Variants in PRKD2 observed in about 807,000 individuals in gnomAD.
The protein encoded by PRKD2 is serine/threonine-protein kinase D2.
A neutral mutation model predicts 86.0 loss-of-function variants in PRKD2; 22 were observed. The ratio of observed to expected loss-of-function variants is 0.26; its 90% CI spans 0.18 to 0.37. The LOEUF is 0.37. Ranked by LOEUF, PRKD2 falls within the 10% of genes least tolerant of loss-of-function variation. The pLI, the probability that PRKD2 is intolerant of heterozygous loss-of-function variation, is 1.00. For synonymous variants in PRKD2, 509 were observed against 510.9 expected (o/e 1.00, Z 0.05); for missense variants, 818 against 1,199.2 (o/e 0.68, Z 4.70).
In PRKD2 at chr19:46,674,739, G is replaced by A; in HGVS notation, c.2425-4C>T. On this transcript the variant is annotated splice_region_variant and splice_polypyrimidine_tract_variant and intron_variant, in intron 17 of 17. Coordinates refer to ENST00000291281, the MANE Select transcript of PRKD2 (RefSeq NM_016457.5). ...GGTCCAGCCACGTCTGGTACTCCTG[G>A]GCCCGAGAGAACTGGGGTTAGCTTG... 6.2e-7 allele frequency: 1 copy of A among 1,603,058 alleles called. No homozygotes were observed. The highest frequency in any genetic ancestry group is 8.5e-7 in the Non-Finnish European group (1 of 1,179,296).
intron 5 of PRKD2, 113 bp downstream of exon 5, chr19:46,704,056 C>T: frequency 8.8e-6 from 13 of 1,479,610 alleles, no homozygotes; most frequent in Non-Finnish European, 1.2e-5. Context: ...GGGCCCTCCC[C>T]TTCTGAGGCC....
rs546221335 is a variant in PRKD2 at position 46,698,045 on chromosome 19, A to G, written c.1122-195T>C. On this transcript the variant is annotated intron_variant, in intron 7 of 17. Coordinates refer to ENST00000291281, the MANE Select transcript of PRKD2 (RefSeq NM_016457.5). Reference sequence around the variant, plus strand: ...TTTTAAGAGGCTCGCTCTGTCACCCAGGCTGGAATGCAGTGGTGCGATCTC... The same window carrying G: ...TTTTAAGAGGCTCGCTCTGTCACCCGGGCTGGAATGCAGTGGTGCGATCTC... Among the ~76,000 whole-genome samples, 4 of 152,104 alleles carry G rather than the reference A, an allele frequency of 2.6e-5. No individual in the cohort carries two copies. In the South Asian group the frequency reaches 8.3e-4, roughly 32 times the overall value.
chr19:46,676,424 T>TCAAAACAAAA (rs562575000), intron 16 of PRKD2, among the ~76,000 whole-genome samples: 1 of 151,992 alleles, frequency 6.6e-6, no homozygotes, highest in Non-Finnish European at 1.5e-5. Flanking sequence ...AAACTCCGTC[T>TCAAAACAAAA]CAAAACAAAA....
chr19:46,702,450 A>G (rs60652743), intron 5 of PRKD2, among the ~76,000 whole-genome samples: 23,767 of 152,100 alleles, frequency 0.16, 1,907 homozygotes, highest in East Asian at 0.2. Flanking sequence ...TTAGGGTGTT[A>G]TATATCTAAA....
chr19:46,715,987 G>T, intron 1 of PRKD2, 144 bp downstream of exon 1: 2 of 1,291,228 alleles, frequency 1.5e-6, no homozygotes, highest in Non-Finnish European at 2.1e-6. Flanking sequence ...GGGCAATGGA[G>T]GGGGGCAATG....
rs190233727 is a variant in PRKD2, at chr19:46,697,266, G to T, written c.1240-32C>A. The T allele has an allele frequency of 1.1e-4, 166 of 1,506,518 alleles. 1 individual carries two copies. Among genetic ancestry groups the T allele is most frequent in the Admixed American group, 1.7e-5 (1 of 58,510 alleles). The allele number at this position is 1,506,518 out of a possible 1,614,324, so 93.3% of individuals were successfully genotyped here. A position where few individuals can be genotyped will look rare whatever the true frequency, so the allele number is the denominator to read the frequency against. ...AGATGTTTGAAGAGTCACGTGAACC[G>T]CCAGACTTTCCTGCCCAGTCCCTAT... On this transcript the variant is annotated intron_variant, in intron 8 of 17. Transcript: ENST00000291281.
At chr19:46,708,335 T>TTTTC (rs1555831673) in intron 3 of PRKD2, among the ~76,000 whole-genome samples, 4 of 106,520 alleles carry the variant, frequency 3.8e-5, no homozygotes, top group African/African-American at 3.9e-5. Context: ...TTTTTTTTTT[T>TTTTC]CTGAGACAAT....
Position 46,704,644 on chromosome 19 carries a change from C to T in PRKD2, c.517G>A (p.Gly173Arg). Residue 173 changes from glycine (G) to arginine (R), a missense_variant, in exon 4 of 18, where the codon GGG becomes AGG. Transcript: ENST00000291281. ...VRQGLKCDGC[G>R]LNYHKRCAFS... The stretch of plus-strand genomic sequence containing the variant: ...GCACAGCGCTTGTGGTAGTTCAGCC[C>T]GCAGCCTGCAGGGGGCGCCAGAGAG... 6.2e-7 allele frequency: 1 copy of T among 1,603,892 alleles called. No homozygotes were observed. Among genetic ancestry groups the T allele is most frequent in the Non-Finnish European group, 8.5e-7 (1 of 1,174,110 alleles).
At chr19:46,684,100 T>C (rs1469686716) in intron 14 of PRKD2, among the ~76,000 whole-genome samples, 2 of 152,170 alleles carry the variant, frequency 1.3e-5, no homozygotes, top group African/African-American at 4.8e-5. Context: ...GTTTAAATAC[T>C]TGTGTTTATT....
chr19:46,714,112 A>G (rs2053849109), intron 1 of PRKD2, 111 bp from the exon 2 acceptor site: 1 of 1,454,632 alleles, frequency 6.9e-7, no homozygotes, highest in Non-Finnish European at 9.1e-7. Flanking sequence ...GGAAACGCAG[A>G]GACCCCGCAG....
intron 15 of PRKD2, among the ~76,000 whole-genome samples, chr19:46,679,987 C>T (rs1054830041): frequency 7.2e-5 from 11 of 152,152 alleles, no homozygotes; most frequent in Admixed American, 7.2e-4. Flanking sequence ...GCCAGCAAGA[C>T]CTGGGTTCAA....
chr19:46,678,214 C>T lies in PRKD2; in HGVS notation c.2338+182G>A, dbSNP rs555157943. On this transcript the variant is annotated intron_variant, in intron 16 of 17. Coordinates refer to ENST00000291281, the MANE Select transcript of PRKD2 (RefSeq NM_016457.5). The surrounding 1 kb of genome is among the most constrained non-coding windows in gnomAD (Gnocchi z 5.7). ...AACCTAGTCTAGGCCTGAGTCCCAG[C>T]CCATCTTTTACAGGACGGCTCCTCC... 6.6e-6 allele frequency among the ~76,000 whole-genome samples: 1 copy of T among 152,286 alleles called. No homozygotes were observed. Among genetic ancestry groups the T allele is most frequent in the African/African-American group, 2.4e-5 (1 of 41,556 alleles).
intron 9 of PRKD2, among the ~76,000 whole-genome samples, chr19:46,695,054 C>T (rs888994345): frequency 6.6e-6 from 1 of 151,844 alleles, no homozygotes; most frequent in Non-Finnish European, 1.5e-5. Flanking sequence ...AATAAAAAAA[C>T]TAGCCAGGTG....
chr19:46,714,490 C>CGGGGG (rs1254751346), intron 1 of PRKD2: 53 of 43,538 alleles, frequency 1.2e-3, no homozygotes, highest in South Asian at 1.7e-3. Flanking sequence ...GGGGGGGGGC[C>CGGGGG]GGGGGACTTG....
At chr19:46,714,178 A>G (rs2053850229) in intron 1 of PRKD2, 177 bp from the exon 2 acceptor site, 2 of 1,333,898 alleles carry the variant, frequency 1.5e-6, no homozygotes, top group East Asian at 2.8e-5. Flanking sequence ...GCAGGATGCC[A>G]GCGCCCCAAT....
chr19:46,704,425 T>C lies in PRKD2; in HGVS notation c.667-34A>G, dbSNP rs202010954. On this transcript the variant is annotated intron_variant, in intron 4 of 17. Coordinates refer to ENST00000291281, the MANE Select transcript of PRKD2 (RefSeq NM_016457.5). ...GGCAAGAATGGAGGGGACACATCAGTGCGTTGGCCCCATGCCTGGGCCAAG... is the reference window on the plus strand; with the variant it reads ...GGCAAGAATGGAGGGGACACATCAGCGCGTTGGCCCCATGCCTGGGCCAAG... The C allele has an allele frequency of 3.1e-4, 495 of 1,613,802 alleles. 2 individuals carry two copies. The East Asian group carries it at 4.3e-3, about 14-fold the overall frequency.
Position 46,713,987 on chromosome 19 carries a change from G to A in PRKD2, c.255C>T (p.Gly85=), listed in dbSNP as rs1347755210. 6.2e-7 allele frequency: 1 copy of A among 1,613,636 alleles called. No homozygotes were observed. Among genetic ancestry groups the A allele is most frequent in the Non-Finnish European group, 8.5e-7 (1 of 1,179,856 alleles). Residue 85 remains glycine, a synonymous_variant, in exon 2 of 18, where the codon GGC becomes GGT. Transcript: ENST00000291281. Reference sequence around the variant, plus strand: ...GGATCTTGTCGTAAAGGCCGTAGAAGCCACACTCAGGGAACTGAGGGGCGG... The same window carrying A: ...GGATCTTGTCGTAAAGGCCGTAGAAACCACACTCAGGGAACTGAGGGGCGG... ...SIVDQKFPEC[G]FYGLYDKILL...
rs750305257 is a variant in PRKD2 at position 46,716,323 on chromosome 19, C to A, written c.48G>T (p.Gly16=). 1.3e-6 allele frequency: 2 copies of A among 1,495,362 alleles called. No individual in the cohort carries two copies. The highest frequency in any genetic ancestry group is 1.3e-5 in the South Asian group (1 of 76,364). 92.6% of individuals were successfully genotyped at this position (1,495,362 alleles called of 1,614,324 possible). ...CGCCGGGGGGCGGAGGAGACCCCGG[C>A]CCGGGAGAGCCAGGGAGCCCGGCGG... ...SYPAGLPGSP[G]PGSPPPPGGL... The change falls in exon 1 of 18, where the codon GGG becomes GGT. Residue 16 remains glycine (G), a synonymous_variant. Coordinates refer to ENST00000291281, the MANE Select transcript of PRKD2 (RefSeq NM_016457.5). The surrounding 1 kb of genome is among the most constrained non-coding windows in gnomAD (Gnocchi z 7.9).
Position 46,674,673 on chromosome 19 carries a change from C to T in PRKD2, c.2487G>A (p.Thr829=), listed in dbSNP as rs1169719237. The T allele has an allele frequency of 1.2e-6, 2 of 1,606,336 alleles. No homozygotes were observed. The highest frequency in any genetic ancestry group is 1.7e-6 in the Non-Finnish European group (2 of 1,179,956). Residue 829 remains threonine (T), a synonymous_variant, in exon 18 of 18, where the codon ACG becomes ACA. Coordinates refer to ENST00000291281, the MANE Select transcript of PRKD2 (RefSeq NM_016457.5). Reference sequence around the variant, plus strand: ...CCCAGCGCGCGTCGTCACTCTCATGCGTGATGTATCGCTCTCCCATCTTCC... The same window carrying T: ...CCCAGCGCGCGTCGTCACTCTCATGTGTGATGTATCGCTCTCCCATCTTCC... The part of the protein sequence containing the change: ...LEGKMGERYI[T]HESDDARWEQ...
Sources: allele counts gnomAD v4.1 joint callset (sites outside exome capture counted in the v4.1 genomes callset), GRCh38; gene constraint gnomAD v4.1.1; non-coding constraint Gnocchi (gnomAD v3.1); transcripts MANE v1.5; gene names NCBI Gene and HGNC (gene_info 2026-07-23, HGNC 2026-07-21).